Variants in ACSL4 observed in about 807,000 individuals in gnomAD.
ACSL4 encodes long-chain-fatty-acid--CoA ligase 4.
In ACSL4, 9 loss-of-function variants were observed where a neutral mutation model predicts 49.1. The observed-to-expected ratio is 0.18, with a 90% CI of 0.11 to 0.32. The LOEUF (loss-of-function observed/expected upper bound fraction) is 0.32. Ranked by LOEUF, ACSL4 falls within the 10% of genes least tolerant of loss-of-function variation. ACSL4 has a pLI of 1.00. For missense variants in ACSL4, 333 were observed against 493.7 expected (o/e 0.67, Z 3.08); for synonymous variants, 191 against 170.3 (o/e 1.12, Z -0.95).
intron 15 of ACSL4, among the ~76,000 whole-genome samples, chrX:109,646,627 A>C (rs1238302768): frequency 3.7e-5 from 4 of 109,524 alleles, no homozygotes; most frequent in African/African-American, 1.3e-4. Flanking sequence ...CGAGCAAAAT[A>C]ACCAGCTAAC....
At chrX:109,686,259 A>G (rs1924597745) in intron 2 of ACSL4, among the ~76,000 whole-genome samples, 1 of 112,075 alleles carries the variant, frequency 8.9e-6, no homozygotes, top group Non-Finnish European at 1.9e-5. Context: ...GTACCACAGT[A>G]TAGAACACGG....
intron 1 of ACSL4, among the ~76,000 whole-genome samples, chrX:109,710,789 C>T (rs752551412): frequency 5.4e-5 from 6 of 112,142 alleles, no homozygotes; most frequent in African/African-American, 1.3e-4. Flanking sequence ...TAGCTCACTG[C>T]TGCCTTGAAC....
intron 15 of ACSL4, 76 bp downstream of exon 15, chrX:109,659,278 T>C (rs1921964779): frequency 2.1e-6 from 2 of 935,407 alleles, no homozygotes; most frequent in Middle Eastern, 2.7e-4. Flanking sequence ...AAAGCAAACA[T>C]ATTGAAGAGC....
chrX:109,667,340 G>A (rs1218963127), intron 11 of ACSL4, among the ~76,000 whole-genome samples: 1 of 112,520 alleles, frequency 8.9e-6, no homozygotes, highest in African/African-American at 3.2e-5. Flanking sequence ...ATTCTGCAAT[G>A]CATACAACAG....
At chrX:109,707,329 C>T (rs1411427755) in intron 1 of ACSL4, among the ~76,000 whole-genome samples, 1 of 111,791 alleles carries the variant, frequency 8.9e-6, no homozygotes, top group Non-Finnish European at 1.9e-5. Context: ...CTCAGTGCTG[C>T]CAAAAGTATA....
intron 1 of ACSL4, among the ~76,000 whole-genome samples, chrX:109,728,247 A>C (rs1319601440): frequency 8.9e-6 from 1 of 112,555 alleles, no homozygotes; most frequent in Non-Finnish European, 1.9e-5. Flanking sequence ...GTCAAATACA[A>C]TGATCTTTTA....
chrX:109,661,497 T>C (rs750081884), intron 14 of ACSL4, 34 bp downstream of exon 14: 86 of 1,029,443 alleles, frequency 8.4e-5, no homozygotes, highest in Non-Finnish European at 1.2e-4. Flanking sequence ...ATCTTTTGAC[T>C]TACGAAACAA....
intron 12 of ACSL4, among the ~76,000 whole-genome samples, 200 bp from the exon 13 acceptor site, chrX:109,663,602 A>G (rs1364540636): frequency 1.8e-5 from 2 of 111,474 alleles, no homozygotes; most frequent in Non-Finnish European, 3.8e-5. Context: ...CTCAATGATA[A>G]TCACCACCAA....
At chrX:109,728,183 C>T (rs1352661712) in intron 1 of ACSL4, among the ~76,000 whole-genome samples, 7 of 112,161 alleles carry the variant, frequency 6.2e-5, no homozygotes, top group African/African-American at 1.3e-4. Context: ...TTTCAAAAGA[C>T]AGTTACAATG....
At chrX:109,714,122 C>T (rs981433365) in intron 1 of ACSL4, among the ~76,000 whole-genome samples, 3 of 111,985 alleles carry the variant, frequency 2.7e-5, no homozygotes, top group Non-Finnish European at 5.6e-5. Flanking sequence ...TACTGATGAT[C>T]CTGACCCTTT....
At chrX:109,650,185 C>T (rs1603399514) in intron 15 of ACSL4, among the ~76,000 whole-genome samples, 1 of 111,224 alleles carries the variant, frequency 9.0e-6, no homozygotes, top group Admixed American at 9.5e-5. Flanking sequence ...GGGTATATAC[C>T]CAGAGGACTA....
chrX:109,718,195 C>T (rs1463073345), intron 1 of ACSL4, among the ~76,000 whole-genome samples: 1 of 112,223 alleles, frequency 8.9e-6, no homozygotes, highest in African/African-American at 3.2e-5. Context: ...AATAATATGA[C>T]CTTAATGTTA....
intron 1 of ACSL4, among the ~76,000 whole-genome samples, chrX:109,703,441 T>C (rs777701569): frequency 8.9e-6 from 1 of 111,755 alleles, no homozygotes; most frequent in South Asian, 3.7e-4. Flanking sequence ...TGCAACTCTA[T>C]TGTGAGTCTA....
chrX:109,657,767 G>A (rs1048160732), intron 15 of ACSL4, among the ~76,000 whole-genome samples: 13 of 111,607 alleles, frequency 1.2e-4, no homozygotes, highest in African/African-American at 4.3e-4. Context: ...GGTATTTCTA[G>A]TTCTAGATCC....
At chrX:109,674,311 A>G (rs1487780134) in intron 9 of ACSL4, 91 bp downstream of exon 9, 1 of 718,300 alleles carries the variant, frequency 1.4e-6, no homozygotes, top group East Asian at 3.3e-5. Flanking sequence ...ATGTAGACAT[A>G]TCTAAGAGTA....
At position 109,666,987 on chromosome X, in the gene ACSL4, G is replaced by A. The variant is rs1453902737; in HGVS notation, c.1315+1114C>T. ...TTGGACGACAGAGGTGATATGGAGG[G>A]AAAGGAGAAACCTAATGAAGGAATG... is the stretch of plus-strand genomic sequence containing the variant. On this transcript the variant is annotated intron_variant, in intron 11 of 15. Coordinates refer to ENST00000672401, the MANE Select transcript of ACSL4 (RefSeq NM_001318510.2). Among the ~76,000 whole-genome samples, 4 of 111,849 alleles carry A rather than the reference G, an allele frequency of 3.6e-5. No individual in the cohort carries two copies. The Admixed American group carries it at 3.8e-4, about 11-fold the overall frequency.
At chrX:109,675,970 C>G (rs1176867405) in intron 8 of ACSL4, among the ~76,000 whole-genome samples, 4 of 111,703 alleles carry the variant, frequency 3.6e-5, no homozygotes, top group Non-Finnish European at 7.5e-5. Context: ...AGCACCCTGT[C>G]ATACAAAGAT....
chrX:109,721,577 C>CA (rs1373173635), intron 1 of ACSL4, among the ~76,000 whole-genome samples: 3 of 109,559 alleles, frequency 2.7e-5, no homozygotes, highest in African/African-American at 1.0e-4. Context: ...ACTAAAAATA[C>CA]AAAAATTAGC....
intron 11 of ACSL4, among the ~76,000 whole-genome samples, chrX:109,667,198 AC>A (rs1278657718): frequency 8.9e-6 from 1 of 112,519 alleles, no homozygotes; most frequent in Non-Finnish European, 1.9e-5. Flanking sequence ...ATCCAAAAAA[AC>A]AATTCCTATA....
Sources: gnomAD v4.1 joint callset for allele counts (sites outside exome capture counted in the v4.1 genomes callset) on GRCh38, gnomAD v4.1.1 for gene constraint, MANE v1.5 for transcripts, NCBI Gene and HGNC (gene_info 2026-07-23, HGNC 2026-07-21) for gene names.